Variants in NEURL1B observed in about 807,000 individuals in gnomAD.
NEURL1B encodes the protein E3 ubiquitin-protein ligase NEURL1B.
NEURL1B carries 13 observed loss-of-function variants against 37.4 expected under a neutral mutation model. The ratio of observed to expected loss-of-function variants is 0.35; its 90% CI spans 0.23 to 0.55. NEURL1B has a LOEUF of 0.55. Among genes scored for constraint, NEURL1B ranks in the 20% least tolerant of loss-of-function variants. The pLI, the probability that NEURL1B is intolerant of heterozygous loss-of-function variation, is 0.89. For synonymous variants in NEURL1B, 432 were observed against 426.6 expected (o/e 1.01, Z -0.16); for missense variants, 790 against 879.2 (o/e 0.90, Z 1.28).
chr5:172,685,281 A>G (rs1166478151), intron 3 of NEURL1B, among the ~76,000 whole-genome samples: 1 of 152,194 alleles, frequency 6.6e-6, no homozygotes, highest in Non-Finnish European at 1.5e-5. Flanking sequence ...AGGGCAGAGG[A>G]GGAGCCGGGT....
rs950144664 is a variant in NEURL1B, at chr5:172,687,743, CT to C, written c.*820del. 1 of 152,074 alleles carries C rather than the reference CT, an allele frequency of 6.6e-6. No homozygotes were observed. Among genetic ancestry groups the C allele is most frequent in the Non-Finnish European group, 1.5e-5 (1 of 68,038 alleles). The allele number at this position is 152,074 out of a possible 1,614,324, so 9.4% of individuals were successfully genotyped here. On this transcript the variant is annotated 3_prime_UTR_variant, in exon 5 of 5. Coordinates refer to ENST00000369800, the MANE Select transcript of NEURL1B (RefSeq NM_001142651.3). ...TCTGGAGGCAAGTCTCTGTAATGCC[CT>C]TCCCTATCTCCAAGGAGAAGACCAG...
At position 172,669,730 on chromosome 5, in the gene NEURL1B, G is replaced by A. The variant is rs1336474534; in HGVS notation, c.32-55G>A. On this transcript the variant is annotated intron_variant, in intron 1 of 4. Coordinates refer to ENST00000369800, the MANE Select transcript of NEURL1B (RefSeq NM_001142651.3). ...AATGATTGTTAAGTAAAGACCAATCGGGGCCCGCAGGAGTTCGGAGGAGGC... is the reference window on the plus strand; with the variant it reads ...AATGATTGTTAAGTAAAGACCAATCAGGGCCCGCAGGAGTTCGGAGGAGGC... 4.3e-6 allele frequency: 5 copies of A among 1,168,574 alleles called. No individual in the cohort carries two copies. The South Asian group carries it at 1.1e-4, about 26-fold the overall frequency. 72.4% of individuals were successfully genotyped at this position (1,168,574 alleles called of 1,614,324 possible).
chr5:172,671,702 C>T (rs780104782), intron 2 of NEURL1B, among the ~76,000 whole-genome samples: 2 of 152,226 alleles, frequency 1.3e-5, no homozygotes, highest in African/African-American at 2.4e-5. Context: ...GTTTGTATAT[C>T]TGCATGTTTG....
At chr5:172,685,080 T>G (rs2113337187) in intron 3 of NEURL1B, among the ~76,000 whole-genome samples, 1 of 152,376 alleles carries the variant, frequency 6.6e-6, no homozygotes, top group African/African-American at 2.4e-5. Context: ...GTCACATCGC[T>G]GGTCAGCTTT....
At chr5:172,681,817 A>C (rs1480897200) in intron 2 of NEURL1B, among the ~76,000 whole-genome samples, 2 of 152,246 alleles carry the variant, frequency 1.3e-5, no homozygotes, top group African/African-American at 4.8e-5. Flanking sequence ...TTTTCAAGAC[A>C]CTATAGAATG....
chr5:172,686,735 C>A lies in NEURL1B; in HGVS notation c.1478C>A (p.Pro493Gln). The change falls in exon 5 of 5, where the codon CCG becomes CAG. Residue 493 changes from proline to glutamine, a missense_variant. By Grantham distance (76) the Pro-to-Gln change is moderately conservative. Transcript: ENST00000369800. The surrounding 1 kb of genome is among the most constrained non-coding windows in gnomAD (Gnocchi z 7.9). The stretch of plus-strand genomic sequence containing the variant: ...CCGGTGTCCCCCGTGTTCTCCCCAC[C>A]GGAGCCGGCAGGCATCAAGAATGGC... The part of the protein sequence containing the change: ...SPPVSPVFSP[P>Q]EPAGIKNGEC... 6.4e-7 allele frequency: 1 copy of A among 1,551,506 alleles called. No individual in the cohort carries two copies. The highest frequency in any genetic ancestry group is 8.7e-7 in the Non-Finnish European group (1 of 1,147,038).
intron 1 of NEURL1B, among the ~76,000 whole-genome samples, chr5:172,643,787 C>T (rs193228909): frequency 1.3e-5 from 2 of 152,264 alleles, no homozygotes; most frequent in African/African-American, 4.8e-5. Flanking sequence ...GTTCTTTCTG[C>T]GGGACTTGAA....
At chr5:172,667,495 A>G (rs995130098) in intron 1 of NEURL1B, among the ~76,000 whole-genome samples, 2 of 151,954 alleles carry the variant, frequency 1.3e-5, no homozygotes, top group Admixed American at 6.6e-5. Flanking sequence ...TGTTTTATCT[A>G]TTAAATATAG....
chr5:172,643,749 G>A (rs991334343), intron 1 of NEURL1B, among the ~76,000 whole-genome samples: 6 of 152,168 alleles, frequency 3.9e-5, no homozygotes, highest in African/African-American at 1.2e-4. Context: ...TTGTGCTTTC[G>A]TTCTCAGGAA....
chr5:172,670,058 C>A lies in NEURL1B; in HGVS notation c.305C>A (p.Thr102Asn). 1 of 1,520,054 alleles carries A rather than the reference C, an allele frequency of 6.6e-7. No homozygotes were observed. Among genetic ancestry groups the A allele is most frequent in the Non-Finnish European group, 8.8e-7 (1 of 1,139,866 alleles). The allele number at this position is 1,520,054 out of a possible 1,614,324, so 94.2% of individuals were successfully genotyped here. A position where few individuals can be genotyped will look rare whatever the true frequency, so the allele number is the denominator to read the frequency against. The change falls in exon 2 of 5, where the codon ACC (threonine) becomes AAC (asparagine). Residue 102 changes from threonine (T) to asparagine (N), a missense_variant. Thr to Asn is a moderately conservative substitution (Grantham distance 65). Around this residue, in one of 3 missense-constraint regions of NEURL1B, gnomAD observed 215 missense variants for 309.2 expected, o/e 0.70. Coordinates refer to ENST00000369800, the MANE Select transcript of NEURL1B (RefSeq NM_001142651.3). ...GWSGALRFGF[T>N]AHDPSLMSAQ... ...AGCGGCGCGCTGCGCTTCGGCTTCA[C>A]CGCGCACGATCCGTCGCTCATGAGC...
intron 1 of NEURL1B, 63 bp from the exon 2 acceptor site, chr5:172,669,722 G>A (rs752432250): frequency 2.0e-5 from 22 of 1,111,364 alleles, no homozygotes; most frequent in Non-Finnish European, 2.4e-5. Flanking sequence ...GTTAAGTAAA[G>A]ACCAATCGGG....
At chr5:172,642,917 C>T (rs1757492153) in intron 1 of NEURL1B, among the ~76,000 whole-genome samples, 1 of 152,224 alleles carries the variant, frequency 6.6e-6, no homozygotes, top group East Asian at 1.9e-4. Flanking sequence ...CAGATATTCT[C>T]GCCACATAGA....
chr5:172,652,919 G>A (rs753279765), intron 1 of NEURL1B, among the ~76,000 whole-genome samples: 3 of 152,192 alleles, frequency 2.0e-5, no homozygotes, highest in Admixed American at 6.5e-5. Context: ...TATGGCCCAC[G>A]ACTCTGGAGG....
rs1757992910 is a variant in NEURL1B at position 172,665,540 on chromosome 5, C to T, written c.32-4245C>T. Among the ~76,000 whole-genome samples the T allele has an allele frequency of 6.6e-6, 1 of 152,228 alleles. No homozygotes were observed. The highest frequency in any genetic ancestry group is 1.5e-5 in the Non-Finnish European group (1 of 68,032). ...AGCCCTGTAGCGGCTCCCTCTTGCC[C>T]ATGCAGTGCGTTCTGAGCCTCTTGG... On this transcript the variant is annotated intron_variant, in intron 1 of 4. Coordinates refer to ENST00000369800, the MANE Select transcript of NEURL1B (RefSeq NM_001142651.3). This position sits in a 1 kb window ranked among gnomAD's most constrained non-coding sequence, Gnocchi z 4.1.
chr5:172,667,003 T>A (rs1758025383), intron 1 of NEURL1B, among the ~76,000 whole-genome samples: 1 of 152,000 alleles, frequency 6.6e-6, no homozygotes, highest in Non-Finnish European at 1.5e-5. Flanking sequence ...CAGCAACTGG[T>A]GTTTATCAAG....
rs532298637 is a variant in NEURL1B, at chr5:172,686,233, G to T, written c.1360G>T (p.Asp454Tyr). ...AGGGTCCCTCAGCGGCTCCCAGGACGATAGTGATTCAGATATGACCTTCAG... is the reference window on the plus strand; with the variant it reads ...AGGGTCCCTCAGCGGCTCCCAGGACTATAGTGATTCAGATATGACCTTCAG... ...PSGSLSGSQD[D>Y]SDSDMTFSVN... The change falls in exon 4 of 5, where the codon GAT (aspartate) becomes TAT (tyrosine). Residue 454 changes from aspartate to tyrosine, a missense_variant. By Grantham distance (160) the Asp-to-Tyr change is radical. Around this residue, in one of 3 missense-constraint regions of NEURL1B, gnomAD observed 115 missense variants for 162.6 expected, o/e 0.71. Coordinates refer to ENST00000369800, the MANE Select transcript of NEURL1B (RefSeq NM_001142651.3). This position sits in a 1 kb window ranked among gnomAD's most constrained non-coding sequence, Gnocchi z 7.9. 6.4e-7 allele frequency: 1 copy of T among 1,551,678 alleles called. No individual in the cohort carries two copies.
intron 1 of NEURL1B, chr5:172,656,537 C>A: frequency 6.2e-7 from 1 of 1,610,140 alleles, no homozygotes; most frequent in Non-Finnish European, 8.5e-7. Flanking sequence ...TGCCAGATTT[C>A]TTAATTCCAC....
Position 172,690,316 on chromosome 5 carries a change from C to T in NEURL1B, c.*3391C>T, listed in dbSNP as rs1017482103. ...TCACGGCAGCACCACGTTTCCAGTC[C>T]CTCGATGCCACTAATCAGCATGGAC... On this transcript the variant is annotated 3_prime_UTR_variant, in exon 5 of 5. Transcript: ENST00000369800. The T allele has an allele frequency of 2.6e-5, 4 of 152,258 alleles. No individual in the cohort carries two copies. Among genetic ancestry groups the T allele is most frequent in the African/African-American group, 9.6e-5 (4 of 41,456 alleles). 9.4% of individuals were successfully genotyped at this position (152,258 alleles called of 1,614,324 possible). A position where few individuals can be genotyped will look rare whatever the true frequency, so the allele number is the denominator to read the frequency against.
rs2113279133 is a variant in NEURL1B, at chr5:172,657,556, C to A, written c.32-12229C>A. On this transcript the variant is annotated intron_variant, in intron 1 of 4. Coordinates refer to ENST00000369800, the MANE Select transcript of NEURL1B (RefSeq NM_001142651.3). This position sits in a 1 kb window ranked among gnomAD's most constrained non-coding sequence, Gnocchi z 4.0. Reference sequence around the variant, plus strand: ...TAACCGGTGGGTATAGGGTCAGGTGCTGAAGGGACATTGGGAGAAGTGACC... The same window carrying A: ...TAACCGGTGGGTATAGGGTCAGGTGATGAAGGGACATTGGGAGAAGTGACC... Among the ~76,000 whole-genome samples, 1 of 152,132 alleles carries A rather than the reference C, an allele frequency of 6.6e-6. No homozygotes were observed. Among genetic ancestry groups the A allele is most frequent in the East Asian group, 1.9e-4 (1 of 5,200 alleles).
Sources: allele counts gnomAD v4.1 joint callset (sites outside exome capture counted in the v4.1 genomes callset), GRCh38; gene constraint gnomAD v4.1.1; regional missense constraint gnomAD v4.1.1; non-coding constraint Gnocchi (gnomAD v3.1); transcripts MANE v1.5; gene names NCBI Gene and HGNC (gene_info 2026-07-23, HGNC 2026-07-21).